RERE: variants seen among roughly 807,000 people sequenced by gnomAD.
RERE encodes arginine-glutamic acid dipeptide repeats, also known as arginine-glutamic acid dipeptide repeats protein.
RERE carries 40 observed loss-of-function variants against 146.1 expected under a neutral mutation model. The ratio of observed to expected loss-of-function variants is 0.27; its 90% CI spans 0.21 to 0.36. RERE has a LOEUF of 0.36. RERE is among the 10% of genes least tolerant of loss of function. The probability of loss-of-function intolerance (pLI) is 1.00; values close to 1 mark genes in which losing one functional copy is unlikely to be tolerated. For synonymous variants in RERE, 1,003 were observed against 866.0 expected (o/e 1.16, Z -2.78); for missense variants, 1,933 against 2,138.7 (o/e 0.90, Z 1.90).
At chr1:8,807,332 T>C (rs1200727846) in intron 1 of RERE, among the ~76,000 whole-genome samples, 1 of 152,184 alleles carries the variant, frequency 6.6e-6, no homozygotes, top group Non-Finnish European at 1.5e-5. Flanking sequence ...AGGATTACAG[T>C]TGTGAGCCAC....
intron 10 of RERE, among the ~76,000 whole-genome samples, chr1:8,494,475 C>T (rs1645019404): frequency 6.6e-6 from 1 of 151,948 alleles, no homozygotes; most frequent in African/African-American, 2.4e-5. Flanking sequence ...GCCTGTAATC[C>T]CAACACTTTG....
chr1:8,372,618 G>C (rs1333939853), intron 12 of RERE, among the ~76,000 whole-genome samples: 2 of 151,812 alleles, frequency 1.3e-5, no homozygotes, highest in African/African-American at 4.8e-5. Flanking sequence ...TCAGTTCACA[G>C]AGAACAGTGA....
In RERE at chr1:8,354,806, C is replaced by T. The variant is rs1039198587; in HGVS notation, c.*281G>A. On this transcript the variant is annotated 3_prime_UTR_variant, in exon 23 of 23. Coordinates refer to ENST00000400908, the MANE Select transcript of RERE (RefSeq NM_001042681.2). ...CAAGGAAAAGAAAACTAAAGCCAAA[C>T]CCCAAGATTGCAGGGAAGCTTTCTG... 2.2e-5 allele frequency: 10 copies of T among 452,026 alleles called. No individual in the cohort carries two copies. The highest frequency in any genetic ancestry group is 2.1e-4 in the African/African-American group (10 of 48,716). The allele number at this position is 452,026 out of a possible 1,614,324, so 28.0% of individuals were successfully genotyped here. A position where few individuals can be genotyped will look rare whatever the true frequency, so the allele number is the denominator to read the frequency against.
chr1:8,529,351 G>A (rs1334815942), intron 7 of RERE, among the ~76,000 whole-genome samples: 2 of 137,732 alleles, frequency 1.5e-5, no homozygotes, highest in African/African-American at 5.5e-5. Flanking sequence ...GTGCAGTGGT[G>A]CAATCTCAGC....
At chr1:8,419,238 G>A (rs747982777) in intron 12 of RERE, among the ~76,000 whole-genome samples, 2 of 152,104 alleles carry the variant, frequency 1.3e-5, no homozygotes, top group African/African-American at 2.4e-5. Flanking sequence ...AGGTTAACAC[G>A]TAATACCCAT....
chr1:8,724,737 G>A (rs1452709032), intron 1 of RERE, among the ~76,000 whole-genome samples: 1 of 151,982 alleles, frequency 6.6e-6, no homozygotes, highest in African/African-American at 2.4e-5. Flanking sequence ...GCTGAGGCAG[G>A]AGAATCCCTT....
chr1:8,361,597 A>C (rs2124369889), intron 17 of RERE, 107 bp from the exon 18 acceptor site: 1 of 1,486,520 alleles, frequency 6.7e-7, no homozygotes, highest in East Asian at 2.3e-5. Flanking sequence ...TGAAGCAGCA[A>C]GCTTGGCTCC....
intron 1 of RERE, among the ~76,000 whole-genome samples, chr1:8,802,712 C>T (rs1641611110): frequency 6.6e-6 from 1 of 151,998 alleles, no homozygotes; most frequent in South Asian, 2.1e-4. Flanking sequence ...AGAAAATCAT[C>T]ATGGGCACAA....
intron 10 of RERE, among the ~76,000 whole-genome samples, chr1:8,466,573 T>A (rs1644600631): frequency 6.6e-6 from 1 of 152,128 alleles, no homozygotes; most frequent in Non-Finnish European, 1.5e-5. Flanking sequence ...CACACTAGAT[T>A]ATGTTCTTTC....
At chr1:8,807,383 G>C (rs1487955381) in intron 1 of RERE, among the ~76,000 whole-genome samples, 2 of 152,076 alleles carry the variant, frequency 1.3e-5, no homozygotes, top group Non-Finnish European at 2.9e-5. Context: ...ATACTTTGCA[G>C]TTCCGCCGCC....
At chr1:8,690,480 G>C (rs1639185958) in intron 1 of RERE, among the ~76,000 whole-genome samples, 1 of 152,226 alleles carries the variant, frequency 6.6e-6, no homozygotes, top group Non-Finnish European at 1.5e-5. Context: ...TTTCTTTACT[G>C]ATTGTCTCTA....
At chr1:8,463,858 G>A (rs1021285986) in intron 11 of RERE, among the ~76,000 whole-genome samples, 9 of 152,242 alleles carry the variant, frequency 5.9e-5, no homozygotes, top group African/African-American at 1.7e-4. Flanking sequence ...CCCTGAGGCC[G>A]CCTAGGCCAG....
At chr1:8,553,130 T>C (rs1645957978) in intron 6 of RERE, among the ~76,000 whole-genome samples, 2 of 146,878 alleles carry the variant, frequency 1.4e-5, no homozygotes. Flanking sequence ...CAAACAATCG[T>C]GACACCACAC....
intron 7 of RERE, among the ~76,000 whole-genome samples, chr1:8,518,656 G>C (rs570945249): frequency 2.0e-5 from 3 of 152,276 alleles, no homozygotes; most frequent in Non-Finnish European, 4.4e-5. Flanking sequence ...GTGAAAGCGA[G>C]GATTAAGAAG....
chr1:8,662,799 G>A lies in RERE; in HGVS notation c.-144-6358C>T, dbSNP rs1228875679. On this transcript the variant is annotated intron_variant, in intron 1 of 22. Transcript: ENST00000400908. The stretch of plus-strand genomic sequence containing the variant: ...ACTGGACTGAGAAGCCAAGATCCAA[G>A]TTCTTAGCACTGCCGCTTGCTGCAC... 2.0e-5 allele frequency among the ~76,000 whole-genome samples: 3 copies of A among 152,220 alleles called. No individual in the cohort carries two copies. The South Asian group carries it at 6.2e-4, about 31-fold the overall frequency.
chr1:8,607,154 A>C (rs1646723866), intron 4 of RERE, among the ~76,000 whole-genome samples: 1 of 152,134 alleles, frequency 6.6e-6, no homozygotes, highest in African/African-American at 2.4e-5. Flanking sequence ...TGAGCCCAAG[A>C]GTTCGAGACC....
chr1:8,560,915 A>G (rs1352824788), intron 4 of RERE, among the ~76,000 whole-genome samples: 1 of 152,164 alleles, frequency 6.6e-6, no homozygotes, highest in Non-Finnish European at 1.5e-5. Flanking sequence ...CCTAACAACA[A>G]TCTTTTAAAA....
At chr1:8,478,996 T>C (rs1644796581) in intron 10 of RERE, among the ~76,000 whole-genome samples, 1 of 152,254 alleles carries the variant, frequency 6.6e-6, no homozygotes, top group Non-Finnish European at 1.5e-5. Context: ...ATACTCCCTA[T>C]TTTATAAATC....
chr1:8,772,412 G>C (rs931938996), intron 1 of RERE, among the ~76,000 whole-genome samples: 2 of 152,082 alleles, frequency 1.3e-5, no homozygotes, highest in Non-Finnish European at 2.9e-5. Context: ...ATTACATACT[G>C]TACCTTGCTC....
Sources: gnomAD v4.1 joint callset for allele counts (sites outside exome capture counted in the v4.1 genomes callset) on GRCh38, gnomAD v4.1.1 for gene constraint, MANE v1.5 for transcripts, NCBI Gene and HGNC (gene_info 2026-07-23, HGNC 2026-07-21) for gene names.